ATP10A: variants seen among roughly 807,000 people sequenced by gnomAD.
ATP10A encodes ATPase phospholipid transporting 10A (putative), also known as phospholipid-transporting ATPase VA.
ATP10A carries 111 observed loss-of-function variants against 147.8 expected under a neutral mutation model. The observed-to-expected ratio is 0.75, with a 90% confidence interval of 0.64 to 0.88. The LOEUF (loss-of-function observed/expected upper bound fraction) is 0.88. Ranked by LOEUF, ATP10A falls within the 40% of genes least tolerant of loss-of-function variation. The pLI is 0.00. For synonymous variants in ATP10A, 875 were observed against 841.6 expected (o/e 1.04, Z -0.69); for missense variants, 1,927 against 1,959.0 (o/e 0.98, Z 0.31).
intron 15 of ATP10A, 98 bp from the exon 16 acceptor site, chr15:25,687,926 A>G: frequency 6.4e-7 from 1 of 1,559,792 alleles, no homozygotes; most frequent in Non-Finnish European, 8.8e-7. Flanking sequence ...GGGAAGGAAA[A>G]TCCCCATTCT....
At chr15:25,724,150 T>C (rs1902409494) in intron 5 of ATP10A, 129 bp from the exon 6 acceptor site, 6 of 1,050,230 alleles carry the variant, frequency 5.7e-6, no homozygotes, top group Non-Finnish European at 6.6e-6. Flanking sequence ...TACTCAGCTT[T>C]GCCATGTCAG....
intron 8 of ATP10A, among the ~76,000 whole-genome samples, chr15:25,717,638 G>T (rs1458579969): frequency 2.0e-5 from 3 of 152,180 alleles, no homozygotes; most frequent in Admixed American, 1.3e-4. Flanking sequence ...GCACATGAGA[G>T]AATGAGGCCA....
chr15:25,777,246 G>C (rs1225123040), intron 2 of ATP10A, among the ~76,000 whole-genome samples: 1 of 152,098 alleles, frequency 6.6e-6, no homozygotes, highest in African/African-American at 2.4e-5. Context: ...CTCAAGCCCA[G>C]GCTGCTGCTC....
intron 4 of ATP10A, among the ~76,000 whole-genome samples, chr15:25,726,588 T>C (rs577356285): frequency 6.6e-6 from 1 of 151,918 alleles, no homozygotes; most frequent in Admixed American, 6.5e-5. Flanking sequence ...ACTACAGGTG[T>C]GCACCACCAC....
chr15:25,774,582 GA>G (rs201795381), intron 2 of ATP10A, among the ~76,000 whole-genome samples: 25,261 of 141,586 alleles, frequency 0.18, 2,115 homozygotes, highest in Admixed American at 0.2. Context: ...GTCTCAAAAA[GA>G]AAAAAAAAAA....
At chr15:25,859,839 A>G (rs1333910310) in intron 1 of ATP10A, among the ~76,000 whole-genome samples, 1 of 152,104 alleles carries the variant, frequency 6.6e-6, no homozygotes, top group Non-Finnish European at 1.5e-5. Context: ...GCACATCCAC[A>G]TACAAGGGAA....
chr15:25,679,765 T>C lies in ATP10A; in HGVS notation c.4076A>G (p.Gln1359Arg). Residue 1359 changes from glutamine to arginine, a missense_variant, in exon 21 of 21, where the codon CAG (glutamine) becomes CGG (arginine). Coordinates refer to ENST00000555815, the MANE Select transcript of ATP10A (RefSeq NM_024490.4). ...PLSQPSWHTQQPVCSLEASGE... is the reference protein window; with the variant it reads ...PLSQPSWHTQRPVCSLEASGE... ...GCTGGCCTCCAGGGAGCAGACCGGC[T>C]GCTGTGTGTGCCAAGAAGGCTGGGA... 6.2e-7 allele frequency: 1 copy of C among 1,613,180 alleles called. No individual in the cohort carries two copies. Among genetic ancestry groups the C allele is most frequent in the Non-Finnish European group, 8.5e-7 (1 of 1,179,916 alleles).
intron 2 of ATP10A, among the ~76,000 whole-genome samples, chr15:25,772,396 T>TTTTCCCTGCC (rs1567372398): frequency 3.3e-5 from 5 of 151,996 alleles, no homozygotes. Flanking sequence ...CACTTTTAGC[T>TTTTCCCTGCC]TTAAAACAAC....
intron 1 of ATP10A, among the ~76,000 whole-genome samples, chr15:25,829,212 C>T (rs1164662697): frequency 6.6e-6 from 1 of 152,140 alleles, no homozygotes; most frequent in Non-Finnish European, 1.5e-5. Context: ...TCACATCTGT[C>T]TGGGAGAAAG....
intron 2 of ATP10A, among the ~76,000 whole-genome samples, chr15:25,741,616 G>C (rs1241019135): frequency 6.6e-6 from 1 of 151,990 alleles, no homozygotes; most frequent in Non-Finnish European, 1.5e-5. Flanking sequence ...TTATTATTTT[G>C]TATTTCAATC....
intron 1 of ATP10A, among the ~76,000 whole-genome samples, chr15:25,831,694 A>G (rs1892364669): frequency 6.6e-6 from 1 of 152,120 alleles, no homozygotes; most frequent in South Asian, 2.1e-4. Context: ...TATGGGCAAC[A>G]CCTCACTGCC....
intron 1 of ATP10A, among the ~76,000 whole-genome samples, chr15:25,839,474 T>C (rs372417499): frequency 6.6e-6 from 1 of 152,172 alleles, no homozygotes; most frequent in Non-Finnish European, 1.5e-5. Context: ...CCGTGAGAGA[T>C]GCCGTTGACC....
At chr15:25,711,440 G>A (rs1463048934) in intron 10 of ATP10A, among the ~76,000 whole-genome samples, 1 of 152,084 alleles carries the variant, frequency 6.6e-6, no homozygotes, top group African/African-American at 2.4e-5. Flanking sequence ...TGTGCATAAG[G>A]GCAGGCGGTC....
chr15:25,690,959 C>G (rs1040406558), intron 15 of ATP10A, among the ~76,000 whole-genome samples: 1 of 152,256 alleles, frequency 6.6e-6, no homozygotes, highest in East Asian at 1.9e-4. Context: ...GGAACATCAG[C>G]TAAAACTATT....
At chr15:25,730,098 C>G (rs1902869343) in intron 3 of ATP10A, among the ~76,000 whole-genome samples, 1 of 150,172 alleles carries the variant, frequency 6.7e-6, no homozygotes, top group South Asian at 2.1e-4. Flanking sequence ...AGAGACCAGC[C>G]TGGCTAACAT....
intron 3 of ATP10A, among the ~76,000 whole-genome samples, chr15:25,732,642 G>A (rs1345492754): frequency 1.5e-5 from 2 of 131,998 alleles, no homozygotes; most frequent in African/African-American, 2.9e-5. Context: ...TGCAAGCTCC[G>A]CCTCCCGGGT....
At chr15:25,795,420 T>A (rs1254151604) in intron 1 of ATP10A, among the ~76,000 whole-genome samples, 1 of 152,224 alleles carries the variant, frequency 6.6e-6, no homozygotes, top group Non-Finnish European at 1.5e-5. Flanking sequence ...GACAGCCTCT[T>A]CCCTACACTC....
chr15:25,790,822 T>C (rs1376671464), intron 1 of ATP10A, among the ~76,000 whole-genome samples: 1 of 152,134 alleles, frequency 6.6e-6, no homozygotes, highest in Non-Finnish European at 1.5e-5. Flanking sequence ...TACTGCCCAC[T>C]AGTAATGGAT....
chr15:25,776,442 G>A (rs1284080082), intron 2 of ATP10A, among the ~76,000 whole-genome samples: 1 of 152,170 alleles, frequency 6.6e-6, no homozygotes. Flanking sequence ...TTAAAATTCT[G>A]TGAAATTGTG....
Sources: gnomAD v4.1 joint callset for allele counts (sites outside exome capture counted in the v4.1 genomes callset) on GRCh38, gnomAD v4.1.1 for gene constraint, MANE v1.5 for transcripts, NCBI Gene and HGNC (gene_info 2026-07-23, HGNC 2026-07-21) for gene names.